Variants in STK32C observed in about 807,000 individuals in gnomAD.
STK32C encodes serine/threonine-protein kinase 32C.
In STK32C, 31 loss-of-function variants were observed where a neutral mutation model predicts 56.5. The ratio of observed to expected loss-of-function variants is 0.55; its 90% CI spans 0.41 to 0.74. STK32C has a LOEUF of 0.74. Among genes scored for constraint, STK32C ranks in the 30% least tolerant of loss-of-function variants. The pLI is 0.00. For missense variants in STK32C, 544 were observed against 676.9 expected, an observed-to-expected ratio of 0.80 and a Z score of 2.18; for synonymous variants, 309 against 289.4, an observed-to-expected ratio of 1.07 and a Z score of -0.69.
intron 1 of STK32C, among the ~76,000 whole-genome samples, chr10:132,270,545 G>A (rs2064782044): frequency 6.6e-6 from 1 of 152,198 alleles, no homozygotes; most frequent in Non-Finnish European, 1.5e-5. Context: ...GAACCGCAGG[G>A]TATGGCCGTG....
chr10:132,229,910 T>G (rs1051345519), intron 2 of STK32C, among the ~76,000 whole-genome samples: 2 of 152,186 alleles, frequency 1.3e-5, no homozygotes, highest in African/African-American at 4.8e-5. Flanking sequence ...CACCATGGGC[T>G]CTAAGTATGG....
At chr10:132,213,426 G>T (rs780859268) in intron 10 of STK32C, among the ~76,000 whole-genome samples, 1 of 152,242 alleles carries the variant, frequency 6.6e-6, no homozygotes, top group Non-Finnish European at 1.5e-5. Flanking sequence ...CTGAGGAGGA[G>T]GATTTAGGCA....
intron 1 of STK32C, among the ~76,000 whole-genome samples, chr10:132,293,350 G>A (rs974975031): frequency 1.3e-5 from 2 of 152,258 alleles, no homozygotes; most frequent in African/African-American, 4.8e-5. Context: ...TCAGGCCAGG[G>A]AAGGCAATTC....
At chr10:132,223,124 C>A in intron 8 of STK32C, 138 bp from the exon 9 acceptor site, 2 of 1,201,402 alleles carry the variant, frequency 1.7e-6, no homozygotes, top group Non-Finnish European at 2.3e-6. Context: ...CAGGGCCACG[C>A]GAGGAAGGGT....
At chr10:132,253,479 C>T (rs181497512) in intron 1 of STK32C, among the ~76,000 whole-genome samples, 4,229 of 97,796 alleles carry the variant, frequency 0.043, 337 homozygotes, top group African/African-American at 0.15. Context: ...TGGAGGGAGT[C>T]GAGGGAGCTG....
chr10:132,282,145 T>C (rs1389680403), intron 1 of STK32C, among the ~76,000 whole-genome samples: 1 of 152,172 alleles, frequency 6.6e-6, no homozygotes, highest in Non-Finnish European at 1.5e-5. Flanking sequence ...GCAGCCACGC[T>C]ACACTTGGGA....
intron 1 of STK32C, among the ~76,000 whole-genome samples, chr10:132,325,731 T>C (rs1252393508): frequency 6.7e-6 from 1 of 148,294 alleles, no homozygotes; most frequent in Non-Finnish European, 1.5e-5. Context: ...TGTCTTTTTT[T>C]TTTTTTTTTT....
chr10:132,297,859 T>C (rs2065802087), intron 1 of STK32C, among the ~76,000 whole-genome samples: 2 of 152,210 alleles, frequency 1.3e-5, no homozygotes, highest in East Asian at 1.9e-4. Context: ...CAGGAAGATG[T>C]TGACTCCACT....
At chr10:132,273,310 C>T (rs2064889763) in intron 1 of STK32C, among the ~76,000 whole-genome samples, 2 of 152,056 alleles carry the variant, frequency 1.3e-5, no homozygotes, top group African/African-American at 2.4e-5. Flanking sequence ...TGAACGGGCT[C>T]TAAGTCCCTG....
chr10:132,280,307 T>C (rs1590374268), intron 1 of STK32C, among the ~76,000 whole-genome samples: 1 of 144,290 alleles, frequency 6.9e-6, no homozygotes, highest in Non-Finnish European at 1.5e-5. Flanking sequence ...CTGCACTCCA[T>C]GATCATGCCA....
At chr10:132,320,060 G>A (rs1026062937), downstream of STK32C, among the ~76,000 whole-genome samples, 1 of 151,638 alleles carries the variant, frequency 6.6e-6, no homozygotes, top group Non-Finnish European at 1.5e-5. Flanking sequence ...ACCTCATACA[G>A]TATGGCACAT....
chr10:132,273,860 T>A (rs753197097), intron 1 of STK32C, among the ~76,000 whole-genome samples: 2 of 151,660 alleles, frequency 1.3e-5, no homozygotes, highest in Non-Finnish European at 2.9e-5. Flanking sequence ...AGTGAGTGAA[T>A]GAATGAGAGT....
chr10:132,296,061 C>T (rs1039760373), intron 1 of STK32C, among the ~76,000 whole-genome samples: 3 of 148,696 alleles, frequency 2.0e-5, no homozygotes, highest in Non-Finnish European at 3.0e-5. Flanking sequence ...GGGCCAGCAT[C>T]GGCAGGAAGG....
downstream of STK32C, among the ~76,000 whole-genome samples, chr10:132,320,093 A>T (rs1017850539): frequency 1.3e-5 from 2 of 152,108 alleles, no homozygotes; most frequent in Admixed American, 6.6e-5. Context: ...TATAAAGCCA[A>T]GAAAAACTAG....
intron 1 of STK32C, among the ~76,000 whole-genome samples, chr10:132,280,702 A>ACCTCCACTCCGTGATCATGC (rs1564773114): frequency 6.9e-6 from 1 of 144,086 alleles, no homozygotes; most frequent in African/African-American, 2.6e-5. Flanking sequence ...CGTGATCATG[A>ACCTCCACTCCGTGATCATGC]ACCTCCACTC....
chr10:132,301,935 T>C (rs1421807836), intron 1 of STK32C, among the ~76,000 whole-genome samples: 2 of 152,198 alleles, frequency 1.3e-5, no homozygotes, highest in Non-Finnish European at 1.5e-5. Flanking sequence ...ACCGGCTATA[T>C]ACTCACTAAA....
At chr10:132,284,689 T>A (rs1438740926) in intron 1 of STK32C, among the ~76,000 whole-genome samples, 2 of 137,410 alleles carry the variant, frequency 1.5e-5, no homozygotes, top group African/African-American at 5.7e-5. Flanking sequence ...CATTCCCACA[T>A]CTGCCCAAAG....
At chr10:132,327,942 G>A (rs2066531886) in intron 1 of STK32C, among the ~76,000 whole-genome samples, 4 of 152,152 alleles carry the variant, frequency 2.6e-5, no homozygotes, top group Admixed American at 1.3e-4. Context: ...CCTGAAGAGT[G>A]AGGGGGCAGA....
intron 1 of STK32C, among the ~76,000 whole-genome samples, chr10:132,280,240 ACCGTGACCACGCCCCTGCACC>A (rs1366561583): frequency 6.5e-3 from 420 of 64,408 alleles, no homozygotes; most frequent in East Asian, 0.021. Flanking sequence ...AGGCCTCCAC[ACCGTGACCACGCCCCTGCACC>A]CCGTGACCAC....
Sources: allele counts gnomAD v4.1 joint callset (sites outside exome capture counted in the v4.1 genomes callset), GRCh38; gene constraint gnomAD v4.1.1; transcripts MANE v1.5; gene names NCBI Gene and HGNC (gene_info 2026-07-23, HGNC 2026-07-21).